Variants in PCDH9 observed in about 807,000 individuals in gnomAD.
The protein encoded by PCDH9 is protocadherin 9.
In PCDH9, 24 loss-of-function variants were observed where a neutral mutation model predicts 70.6. That is an observed-to-expected ratio of 0.34 (90% CI 0.25 to 0.48). The LOEUF is 0.48. Ranked by LOEUF, PCDH9 falls within the 20% of genes least tolerant of loss-of-function variation. The pLI is 0.99. For missense variants in PCDH9, 1,281 were observed against 1,503.6 expected (o/e 0.85, Z 2.45); for synonymous variants, 562 against 558.5 (o/e 1.01, Z -0.09).
At chr13:67,151,847 A>C (rs926524571) in intron 2 of PCDH9, among the ~76,000 whole-genome samples, 1 of 152,036 alleles carries the variant, frequency 6.6e-6, no homozygotes, top group Non-Finnish European at 1.5e-5. Flanking sequence ...TCTCCACCCA[A>C]TTCTAGGCCA....
Position 66,419,395 on chromosome 13 carries a change from C to T in PCDH9, c.3341-114367G>A, listed in dbSNP as rs372416969. 3.6e-4 allele frequency among the ~76,000 whole-genome samples: 54 copies of T among 152,080 alleles called. No individual in the cohort carries two copies. The Middle Eastern group carries it at 0.01, about 29-fold the overall frequency. ...GCGGAATAGGAACATCTTCAGCCTG[C>T]AGCTCCCAGCGAGACAAACCCAGAA... On this transcript the variant is annotated intron_variant, in intron 4 of 4. Coordinates refer to ENST00000377865, the MANE Select transcript of PCDH9 (RefSeq NM_203487.3).
In PCDH9 at chr13:66,623,033, C is replaced by T. The variant is rs148624869; in HGVS notation, c.3340+8177G>A. 4.2e-3 allele frequency among the ~76,000 whole-genome samples: 641 copies of T among 152,180 alleles called. 19 individuals are homozygous for T. The East Asian group carries it at 0.081, about 19-fold the overall frequency. On this transcript the variant is annotated intron_variant, in intron 4 of 4. Coordinates refer to ENST00000377865, the MANE Select transcript of PCDH9 (RefSeq NM_203487.3). ...GGTCTGCAGCTTCACTCCTGAAGCC[C>T]GCGAGACCGCGAACCCACCAGAAGG...
At chr13:66,879,688 C>CA (rs2081888869) in intron 3 of PCDH9, among the ~76,000 whole-genome samples, 1 of 151,692 alleles carries the variant, frequency 6.6e-6, no homozygotes. Context: ...ATATCTTTGA[C>CA]AAAAAATGGC....
chr13:67,089,653 T>C (rs1261304852), intron 2 of PCDH9, among the ~76,000 whole-genome samples: 1 of 152,058 alleles, frequency 6.6e-6, no homozygotes, highest in East Asian at 1.9e-4. Flanking sequence ...TATTTAGCTA[T>C]ATGTTATACT....
rs374620687 is a variant in PCDH9, at chr13:66,487,775, C to A, written c.3340+143435G>T. 2.5e-4 allele frequency among the ~76,000 whole-genome samples: 38 copies of A among 152,222 alleles called. No individual in the cohort carries two copies. In the South Asian group the frequency reaches 4.4e-3, roughly 17 times the overall value. The stretch of plus-strand genomic sequence containing the variant: ...TTTCCCCTCACCTCTATTACCAACC[C>A]CACTTTTTACTTTTCCTGAGTTAAT... On this transcript the variant is annotated intron_variant, in intron 4 of 4. Coordinates refer to ENST00000377865, the MANE Select transcript of PCDH9 (RefSeq NM_203487.3).
At chr13:66,615,685 C>T (rs975921891) in intron 4 of PCDH9, among the ~76,000 whole-genome samples, 3 of 152,140 alleles carry the variant, frequency 2.0e-5, no homozygotes, top group African/African-American at 4.8e-5. Context: ...GCAACACCAG[C>T]GTTAATTAAA....
chr13:67,228,640 T>C (rs1376343620), intron 1 of PCDH9, 65 bp from the exon 2 acceptor site: 1 of 427,424 alleles, frequency 2.3e-6, no homozygotes, highest in Non-Finnish European at 4.2e-6. Context: ...TCACAAAATA[T>C]CACCACACAT....
chr13:66,305,105 T>A, intron 4 of PCDH9, 77 bp from the exon 5 acceptor site: 2 of 1,266,718 alleles, frequency 1.6e-6, no homozygotes, highest in Non-Finnish European at 2.1e-6. Context: ...AGAGAAAAAG[T>A]ATGTTATTAG....
At chr13:67,177,212 C>T (rs1056073128) in intron 2 of PCDH9, among the ~76,000 whole-genome samples, 2 of 152,074 alleles carry the variant, frequency 1.3e-5, no homozygotes, top group African/African-American at 4.8e-5. Flanking sequence ...TTGAAAACAC[C>T]TATCATTTCT....
At chr13:66,961,435 C>T (rs187624406) in intron 2 of PCDH9, among the ~76,000 whole-genome samples, 4 of 152,058 alleles carry the variant, frequency 2.6e-5, no homozygotes, top group Non-Finnish European at 5.9e-5. Flanking sequence ...TAAGTGGGAC[C>T]TCAAAGGAAG....
chr13:66,829,284 T>G (rs1305468433), intron 3 of PCDH9, among the ~76,000 whole-genome samples: 1 of 152,186 alleles, frequency 6.6e-6, no homozygotes, highest in Non-Finnish European at 1.5e-5. Flanking sequence ...CCCAAAGTGT[T>G]GAGATTACAG....
chr13:67,199,308 G>GT (rs906479232), intron 2 of PCDH9, among the ~76,000 whole-genome samples: 15 of 150,572 alleles, frequency 1.0e-4, no homozygotes, highest in African/African-American at 2.2e-4. Context: ...AACTAAATTA[G>GT]TTTTTTTTTA....
chr13:66,683,748 T>C (rs1417026186), intron 3 of PCDH9, among the ~76,000 whole-genome samples: 2 of 152,200 alleles, frequency 1.3e-5, no homozygotes, highest in Non-Finnish European at 2.9e-5. Context: ...CCAGCCAGCT[T>C]AATCTTTATT....
chr13:67,227,204 C>A lies in PCDH9; in HGVS notation c.1237G>T (p.Ala413Ser). ...AACAAATATTGGTTGTCATATACCG[C>A]CTTCAAATGAAATGGGACCTCTCTT... Reference protein sequence around the residue: ...IEREVPFHLKAVYDNQYLLET... With the variant: ...IEREVPFHLKSVYDNQYLLET... The change falls in exon 2 of 5, where the codon GCG becomes TCG. Residue 413 changes from alanine to serine, a missense_variant. Physicochemically the swap from Ala to Ser is moderately conservative, Grantham distance 99. This residue lies in a region of PCDH9 where 798 missense variants were observed against 1,003.1 expected (regional missense o/e 0.80). Transcript: ENST00000377865. This position sits in a 1 kb window ranked among gnomAD's most constrained non-coding sequence, Gnocchi z 4.6. The A allele has an allele frequency of 6.2e-7, 1 of 1,613,552 alleles. No homozygotes were observed. Among genetic ancestry groups the A allele is most frequent in the African/African-American group, 1.3e-5 (1 of 75,018 alleles).
At chr13:66,801,741 C>T (rs1056506274) in intron 3 of PCDH9, among the ~76,000 whole-genome samples, 8 of 151,938 alleles carry the variant, frequency 5.3e-5, no homozygotes, top group Non-Finnish European at 8.8e-5. Flanking sequence ...AATCTATGTA[C>T]GTTCTTCAAA....
chr13:66,354,091 T>C (rs1956339999), intron 4 of PCDH9, among the ~76,000 whole-genome samples: 1 of 152,190 alleles, frequency 6.6e-6, no homozygotes, highest in African/African-American at 2.4e-5. Flanking sequence ...CTTATCACTT[T>C]ATTCGTAACC....
intron 3 of PCDH9, among the ~76,000 whole-genome samples, chr13:66,638,848 C>T (rs937778759): frequency 1.3e-5 from 2 of 152,128 alleles, no homozygotes; most frequent in African/African-American, 4.8e-5. Flanking sequence ...AGAGCCCTGC[C>T]CTGTTTTAGA....
chr13:66,951,631 C>T (rs2083182683), intron 2 of PCDH9, among the ~76,000 whole-genome samples: 1 of 152,146 alleles, frequency 6.6e-6, no homozygotes, highest in African/African-American at 2.4e-5. Context: ...GGGCCCATCG[C>T]TTCTAACAGA....
rs537052542 is a variant in PCDH9, at chr13:66,439,709, T to A, written c.3341-134681A>T. On this transcript the variant is annotated intron_variant, in intron 4 of 4. Transcript: ENST00000377865. Reference sequence around the variant, plus strand: ...CTTTCAAATAGCTTATTGTTTCATATAATTTATTTATGGTGTTAGGCTTCA... The same window carrying A: ...CTTTCAAATAGCTTATTGTTTCATAAAATTTATTTATGGTGTTAGGCTTCA... Among the ~76,000 whole-genome samples the A allele has an allele frequency of 2.0e-5, 3 of 152,320 alleles. No homozygotes were observed. In the East Asian group the frequency reaches 5.8e-4, roughly 29 times the overall value.
Sources: gnomAD v4.1 joint callset for allele counts (sites outside exome capture counted in the v4.1 genomes callset) on GRCh38, gnomAD v4.1.1 for gene constraint, gnomAD v4.1.1 regional missense constraint, Gnocchi (gnomAD v3.1) non-coding constraint, MANE v1.5 for transcripts, NCBI Gene and HGNC (gene_info 2026-07-23, HGNC 2026-07-21) for gene names.